SPATS2: variants seen among roughly 807,000 people sequenced by gnomAD.
The protein encoded by SPATS2 is spermatogenesis-associated serine-rich protein 2.
In SPATS2, 38 loss-of-function variants were observed where a neutral mutation model predicts 63.7. The ratio of observed to expected loss-of-function variants is 0.60; its 90% CI spans 0.46 to 0.78. The LOEUF (loss-of-function observed/expected upper bound fraction) is 0.78. Ranked by LOEUF, SPATS2 falls within the 30% of genes least tolerant of loss-of-function variation. The pLI, the probability that SPATS2 is intolerant of heterozygous loss-of-function variation, is 0.00. For missense variants in SPATS2, 588 were observed against 666.2 expected, an observed-to-expected ratio of 0.88 and a Z score of 1.29; for synonymous variants, 207 against 232.9, an observed-to-expected ratio of 0.89 and a Z score of 1.01.
intron 2 of SPATS2, chr12:49,441,667 A>G (rs1945421307): frequency 6.6e-6 from 1 of 152,194 alleles, no homozygotes; most frequent in Non-Finnish European, 1.5e-5. Context: ...TCAGTTGTAC[A>G]CAATTCTTAA....
chr12:49,495,105 C>A, intron 7 of SPATS2, 103 bp downstream of exon 7: 1 of 1,233,824 alleles, frequency 8.1e-7, no homozygotes, highest in Non-Finnish European at 1.1e-6. Flanking sequence ...TTTTTTTATC[C>A]AGTGCTTGCT....
chr12:49,508,017 C>T (rs571283851), intron 9 of SPATS2, among the ~76,000 whole-genome samples: 110 of 152,266 alleles, frequency 7.2e-4, no homozygotes, highest in Non-Finnish European at 1.2e-3. Flanking sequence ...TGTGGTATTA[C>T]GTTCATGTTA....
chr12:49,410,925 G>T (rs1944787347), intron 2 of SPATS2, among the ~76,000 whole-genome samples: 1 of 150,724 alleles, frequency 6.6e-6, no homozygotes, highest in Non-Finnish European at 1.5e-5. Flanking sequence ...GTGTGTTCCT[G>T]ACACTTTTAG....
rs1215862555 is a variant in SPATS2 at position 49,436,551 on chromosome 12, C to T, written c.-243-24219C>T. On this transcript the variant is annotated intron_variant, in intron 2 of 13. Coordinates refer to ENST00000552918, the MANE Select transcript of SPATS2 (RefSeq NM_023071.4). ...CTGACCCCCCCGCCTCCTGGCCGGGCGGGGGGCTGACCTCCCCACCTCCCT... is the reference window on the plus strand; with the variant it reads ...CTGACCCCCCCGCCTCCTGGCCGGGTGGGGGGCTGACCTCCCCACCTCCCT... Among the ~76,000 whole-genome samples, 27 of 127,224 alleles carry T rather than the reference C, an allele frequency of 2.1e-4. 1 individual carries two copies. The East Asian group carries it at 5.6e-3, about 27-fold the overall frequency. The allele number at this position is 127,224 out of a possible 152,430, so 83.5% of individuals were successfully genotyped here.
chr12:49,503,655 AAAAAAG>A (rs954872232), intron 9 of SPATS2, among the ~76,000 whole-genome samples: 1 of 151,860 alleles, frequency 6.6e-6, no homozygotes, highest in African/African-American at 2.4e-5. Context: ...TCTCAAAAAA[AAAAAAG>A]AAAAAAGAAA....
chr12:49,412,124 T>C (rs1170597286), intron 2 of SPATS2, among the ~76,000 whole-genome samples: 1 of 152,194 alleles, frequency 6.6e-6, no homozygotes, highest in Non-Finnish European at 1.5e-5. Context: ...AACTGCATTT[T>C]AAAACACTAT....
chr12:49,405,013 C>T (rs924950625), intron 2 of SPATS2, among the ~76,000 whole-genome samples: 1 of 149,838 alleles, frequency 6.7e-6, no homozygotes, highest in African/African-American at 2.5e-5. Flanking sequence ...TCTATGGCTG[C>T]TTTCACACTG....
intron 3 of SPATS2, among the ~76,000 whole-genome samples, chr12:49,474,307 C>A (rs920135455): frequency 6.6e-6 from 1 of 152,004 alleles, no homozygotes; most frequent in South Asian, 2.1e-4. Flanking sequence ...ACTTCTAAGT[C>A]GGTTTAAGAA....
chr12:49,460,881 G>A lies in SPATS2; in HGVS notation c.-132G>A, dbSNP rs969610081. 1 of 891,356 alleles carries A rather than the reference G, an allele frequency of 1.1e-6. No individual in the cohort carries two copies. The allele number at this position is 891,356 out of a possible 1,614,324, so 55.2% of individuals were successfully genotyped here. ...CTAGTGAGCAGAATTTCGAACAGCAGGATTTCGTATTTTTTGCTTCCAACT... is the reference window on the plus strand; with the variant it reads ...CTAGTGAGCAGAATTTCGAACAGCAAGATTTCGTATTTTTTGCTTCCAACT... On this transcript the variant is annotated 5_prime_UTR_variant, in exon 3 of 14. Coordinates refer to ENST00000552918, the MANE Select transcript of SPATS2 (RefSeq NM_023071.4).
chr12:49,489,788 A>G (rs1946353804), intron 5 of SPATS2, among the ~76,000 whole-genome samples: 1 of 152,202 alleles, frequency 6.6e-6, no homozygotes, highest in Non-Finnish European at 1.5e-5. Context: ...CCATTGTTTC[A>G]CGCTAAATGT....
chr12:49,390,140 G>GTC, intron 2 of SPATS2: 1 of 1,542,840 alleles, frequency 6.5e-7, no homozygotes, highest in Non-Finnish European at 8.9e-7. Context: ...GTGACCAACA[G>GTC]TGACTTGAGT....
intron 2 of SPATS2, among the ~76,000 whole-genome samples, chr12:49,391,626 G>T (rs1292246659): frequency 6.6e-6 from 1 of 152,146 alleles, no homozygotes; most frequent in Non-Finnish European, 1.5e-5. Flanking sequence ...TTCTAATGTT[G>T]TGATTGTAGT....
intron 4 of SPATS2, among the ~76,000 whole-genome samples, chr12:49,489,059 AAT>A (rs1331132419): frequency 1.3e-5 from 2 of 152,206 alleles, no homozygotes; most frequent in Non-Finnish European, 2.9e-5. Flanking sequence ...TACAAGGTAA[AAT>A]ATGTTTCAAA....
chr12:49,422,738 C>G (rs1945004753), intron 2 of SPATS2, among the ~76,000 whole-genome samples: 1 of 151,910 alleles, frequency 6.6e-6, no homozygotes, highest in Admixed American at 6.6e-5. Flanking sequence ...ATTGTGAAAC[C>G]CCATCTCTAC....
At chr12:49,436,132 T>C (rs1048354961) in intron 2 of SPATS2, among the ~76,000 whole-genome samples, 4 of 152,028 alleles carry the variant, frequency 2.6e-5, no homozygotes, top group Non-Finnish European at 5.9e-5. Context: ...ATTGTCATCA[T>C]GGCCCGTTCT....
chr12:49,402,755 C>T (rs1216524199), intron 2 of SPATS2, among the ~76,000 whole-genome samples: 2 of 152,050 alleles, frequency 1.3e-5, no homozygotes, highest in African/African-American at 4.8e-5. Context: ...TATGGTTTGA[C>T]AGGAGGCTTT....
chr12:49,479,167 G>A (rs1037353140), intron 3 of SPATS2, among the ~76,000 whole-genome samples: 5 of 152,216 alleles, frequency 3.3e-5, no homozygotes, highest in African/African-American at 9.6e-5. Context: ...GAGAAAGTGC[G>A]TGCCAGTTGG....
chr12:49,524,147 T>G (rs1411585156), intron 12 of SPATS2, among the ~76,000 whole-genome samples: 1 of 152,200 alleles, frequency 6.6e-6, no homozygotes, highest in Admixed American at 6.5e-5. Context: ...AGAAAGAAAT[T>G]TGGCAATATA....
intron 2 of SPATS2, among the ~76,000 whole-genome samples, chr12:49,449,886 T>C (rs1945587590): frequency 6.6e-6 from 1 of 152,202 alleles, no homozygotes; most frequent in Non-Finnish European, 1.5e-5. Context: ...ACCATATCAA[T>C]CAGTTATTGA....
Sources: allele counts gnomAD v4.1 joint callset (sites outside exome capture counted in the v4.1 genomes callset), GRCh38; gene constraint gnomAD v4.1.1; transcripts MANE v1.5; gene names NCBI Gene and HGNC (gene_info 2026-07-23, HGNC 2026-07-21).